GNA14: variants seen among roughly 807,000 people sequenced by gnomAD.
GNA14 encodes guanine nucleotide-binding protein subunit alpha-14.
Under a neutral mutation model 42.0 loss-of-function variants are expected in GNA14, and 50 were observed. The observed-to-expected ratio is 1.19, with a 90% CI of 0.95 to 1.51. GNA14 has a LOEUF of 1.51. Ranked by LOEUF, GNA14 falls within the 40% of genes most tolerant of loss-of-function variation. The probability of loss-of-function intolerance (pLI) is 0.00; values close to 1 mark genes in which losing one functional copy is unlikely to be tolerated. For missense variants in GNA14, 473 were observed against 446.2 expected (o/e 1.06, Z -0.54); for synonymous variants, 173 against 163.1 (o/e 1.06, Z -0.46).
intron 2 of GNA14, among the ~76,000 whole-genome samples, chr9:77,463,247 A>C (rs1181388981): frequency 6.6e-6 from 1 of 152,232 alleles, no homozygotes; most frequent in Non-Finnish European, 1.5e-5. Flanking sequence ...GAAAGATACT[A>C]GGAGTCGCCA....
At chr9:77,644,123 G>A (rs11145503) in intron 1 of GNA14, among the ~76,000 whole-genome samples, 51,367 of 151,828 alleles carry the variant, frequency 0.34, 12,433 homozygotes, top group African/African-American at 0.65. Flanking sequence ...GAGGTGATTA[G>A]GATAAAATGA....
chr9:77,546,777 G>GC (rs890855228), intron 1 of GNA14, among the ~76,000 whole-genome samples: 3 of 152,134 alleles, frequency 2.0e-5, no homozygotes, highest in African/African-American at 7.2e-5. Context: ...ATCACCTCCA[G>GC]CCCCACTCAT....
intron 1 of GNA14, among the ~76,000 whole-genome samples, chr9:77,543,245 C>T (rs1039268519): frequency 1.3e-5 from 2 of 152,178 alleles, no homozygotes; most frequent in African/African-American, 4.8e-5. Flanking sequence ...GGCATGCCAC[C>T]AGGGAGGGCA....
chr9:77,551,753 T>TA (rs1030004224), intron 1 of GNA14, among the ~76,000 whole-genome samples: 27 of 151,550 alleles, frequency 1.8e-4, no homozygotes, highest in African/African-American at 4.1e-4. Flanking sequence ...TTGCTTTTTT[T>TA]AAAAAAAAAT....
intron 2 of GNA14, among the ~76,000 whole-genome samples, chr9:77,464,282 T>C (rs974461161): frequency 1.3e-5 from 2 of 152,128 alleles, no homozygotes; most frequent in African/African-American, 4.8e-5. Flanking sequence ...ATTACAGGCA[T>C]GAGCCACCAT....
At chr9:77,535,392 A>G (rs1472926527) in intron 1 of GNA14, among the ~76,000 whole-genome samples, 1 of 152,068 alleles carries the variant, frequency 6.6e-6, no homozygotes, top group African/African-American at 2.4e-5. Flanking sequence ...AAAATACAAA[A>G]AATTAGCCGG....
intron 2 of GNA14, among the ~76,000 whole-genome samples, chr9:77,466,892 C>G (rs2131717780): frequency 6.6e-6 from 1 of 152,150 alleles, no homozygotes; most frequent in South Asian, 2.1e-4. Context: ...GTGTTTCTCC[C>G]CTTCACTTCC....
At chr9:77,472,101 C>T (rs887641565) in intron 2 of GNA14, among the ~76,000 whole-genome samples, 10 of 152,082 alleles carry the variant, frequency 6.6e-5, no homozygotes, top group Non-Finnish European at 1.5e-4. Flanking sequence ...GTAAAACCAA[C>T]TCCATACAGC....
intron 2 of GNA14, among the ~76,000 whole-genome samples, chr9:77,524,443 GAAAC>G (rs1000866691): frequency 6.6e-6 from 1 of 152,136 alleles, no homozygotes; most frequent in Non-Finnish European, 1.5e-5. Context: ...GAAAGAAACA[GAAAC>G]AAACAGAAAA....
At chr9:77,444,675 C>G (rs1171853784) in intron 2 of GNA14, among the ~76,000 whole-genome samples, 1 of 152,240 alleles carries the variant, frequency 6.6e-6, no homozygotes, top group Non-Finnish European at 1.5e-5. Flanking sequence ...GCTCCAGCAG[C>G]CAACACGGTT....
chr9:77,533,056 C>T (rs965611468), intron 1 of GNA14, among the ~76,000 whole-genome samples: 2 of 152,146 alleles, frequency 1.3e-5, no homozygotes, highest in East Asian at 1.9e-4. Context: ...ATTACAATTC[C>T]GTCTCTAGAC....
rs77121244 is a variant in GNA14, at chr9:77,530,756, G to A, written c.125-1503C>T. On this transcript the variant is annotated intron_variant, in intron 1 of 6. Transcript: ENST00000341700. Reference sequence around the variant, plus strand: ...CCTCAGCCAACCCACTGTCTTGCAGGCTCAGGCTGCTGGGGCACATGGGAG... The same window carrying A: ...CCTCAGCCAACCCACTGTCTTGCAGACTCAGGCTGCTGGGGCACATGGGAG... Among the ~76,000 whole-genome samples the A allele has an allele frequency of 9.9e-3, 1,507 of 152,300 alleles. 28 individuals are homozygous for A. The highest frequency in any genetic ancestry group is 0.034 in the African/African-American group (1,410 of 41,562).
intron 2 of GNA14, among the ~76,000 whole-genome samples, chr9:77,489,537 CTT>C (rs1370022720): frequency 2.0e-5 from 3 of 152,220 alleles, no homozygotes; most frequent in Non-Finnish European, 4.4e-5. Flanking sequence ...GTTCCACTGA[CTT>C]CAAGAATGAA....
chr9:77,489,663 C>T (rs1055720005), intron 2 of GNA14, among the ~76,000 whole-genome samples: 3 of 151,912 alleles, frequency 2.0e-5, no homozygotes, highest in Non-Finnish European at 4.4e-5. Flanking sequence ...TTTGTGGTCT[C>T]GCTGGCTCAG....
intron 2 of GNA14, among the ~76,000 whole-genome samples, chr9:77,476,340 G>T (rs531850556): frequency 6.6e-6 from 1 of 152,190 alleles, no homozygotes; most frequent in Non-Finnish European, 1.5e-5. Context: ...TAGGTAATGA[G>T]GGGGAGGCGC....
intron 2 of GNA14, among the ~76,000 whole-genome samples, chr9:77,477,680 C>T (rs572773845): frequency 2.0e-5 from 3 of 151,838 alleles, no homozygotes; most frequent in South Asian, 2.1e-4. Context: ...AAGGAAGATA[C>T]GAAGAAAATG....
chr9:77,587,962 G>A (rs923768846), intron 1 of GNA14, among the ~76,000 whole-genome samples: 2 of 152,260 alleles, frequency 1.3e-5, no homozygotes, highest in Admixed American at 6.5e-5. Flanking sequence ...AAGGCCATCT[G>A]CCTTCCTTGG....
At chr9:77,514,608 ATTTT>A (rs34158312) in intron 2 of GNA14, among the ~76,000 whole-genome samples, 5,858 of 136,200 alleles carry the variant, frequency 0.043, 93 homozygotes, top group East Asian at 0.086. Flanking sequence ...ATAATATCAG[ATTTT>A]TTTTTTTTTT....
chr9:77,498,706 T>G (rs1836916756), intron 2 of GNA14, among the ~76,000 whole-genome samples: 1 of 152,206 alleles, frequency 6.6e-6, no homozygotes, highest in Non-Finnish European at 1.5e-5. Flanking sequence ...TTTGATCTTC[T>G]AGCCCCCAGA....
Sources: allele counts gnomAD v4.1 joint callset (sites outside exome capture counted in the v4.1 genomes callset), GRCh38; gene constraint gnomAD v4.1.1; transcripts MANE v1.5; gene names NCBI Gene and HGNC (gene_info 2026-07-23, HGNC 2026-07-21).